Variants in ARHGEF9 observed in about 807,000 individuals in gnomAD.
The protein encoded by ARHGEF9 is rho guanine nucleotide exchange factor 9.
Under a neutral mutation model 41.3 loss-of-function variants are expected in ARHGEF9, and 2 were observed. That is an observed-to-expected ratio of 0.05 (90% CI 0.02 to 0.15). The LOEUF (loss-of-function observed/expected upper bound fraction) is 0.15. ARHGEF9 is among the 10% of genes least tolerant of loss of function. The probability of loss-of-function intolerance (pLI) is 1.00; values close to 1 mark genes in which losing one functional copy is unlikely to be tolerated. For synonymous variants in ARHGEF9, 160 were observed against 154.4 expected (o/e 1.04, Z -0.27); for missense variants, 225 against 424.7 (o/e 0.53, Z 4.13).
At chrX:63,741,064 T>C (rs1400911239) in intron 1 of ARHGEF9, among the ~76,000 whole-genome samples, 1 of 112,772 alleles carries the variant, frequency 8.9e-6, no homozygotes, top group Non-Finnish European at 1.9e-5. Flanking sequence ...TAGTCCAGAC[T>C]GTTATTTCAT....
chrX:63,727,573 T>G (rs1478910090), intron 1 of ARHGEF9: 1 of 111,920 alleles, frequency 8.9e-6, no homozygotes, highest in African/African-American at 3.3e-5. Context: ...TTGCCTACAG[T>G]CATCAAATGG....
intron 1 of ARHGEF9, among the ~76,000 whole-genome samples, chrX:63,741,884 C>T (rs1443804747): frequency 8.9e-6 from 1 of 112,486 alleles, no homozygotes; most frequent in Non-Finnish European, 1.9e-5. Context: ...CCATGTGTGT[C>T]CCAAATACAT....
chrX:63,767,692 G>T (rs1202321542), intron 1 of ARHGEF9, among the ~76,000 whole-genome samples: 2 of 112,252 alleles, frequency 1.8e-5, no homozygotes, highest in Non-Finnish European at 3.8e-5. Context: ...CAAAATAAAC[G>T]CTGGCTTGGG....
intron 2 of ARHGEF9, among the ~76,000 whole-genome samples, chrX:63,715,035 G>A (rs2053203905): frequency 9.0e-6 from 1 of 111,343 alleles, no homozygotes; most frequent in South Asian, 3.8e-4. Flanking sequence ...CTAGAATGGG[G>A]GTGGATTGGA....
intron 1 of ARHGEF9, among the ~76,000 whole-genome samples, chrX:63,761,810 G>A (rs782403431): frequency 3.6e-5 from 4 of 111,480 alleles, no homozygotes; most frequent in Non-Finnish European, 3.8e-5. Context: ...GTTTCCTTCT[G>A]TTCCTTCACA....
At chrX:63,755,061 C>G in intron 1 of ARHGEF9, 4 of 939,115 alleles carry the variant, frequency 4.3e-6, no homozygotes, top group Non-Finnish European at 5.3e-6. Flanking sequence ...TCGCTGGGCT[C>G]CCGGCTGCCA....
At chrX:63,682,252 C>A (rs1240169110) in intron 4 of ARHGEF9, among the ~76,000 whole-genome samples, 1 of 111,573 alleles carries the variant, frequency 9.0e-6, no homozygotes, top group Non-Finnish European at 1.9e-5. Flanking sequence ...CTGTGGCTCA[C>A]GCCTATAATC....
chrX:63,682,000 A>G (rs1176105130), intron 4 of ARHGEF9, among the ~76,000 whole-genome samples: 1 of 110,561 alleles, frequency 9.0e-6, no homozygotes, highest in Admixed American at 9.6e-5. Context: ...GAGCCTGAAC[A>G]TTAACAAATA....
chrX:63,676,829 T>C (rs2050287975), intron 5 of ARHGEF9, among the ~76,000 whole-genome samples: 1 of 112,606 alleles, frequency 8.9e-6, no homozygotes, highest in South Asian at 3.7e-4. Flanking sequence ...TAAAATTTAG[T>C]TCCTCAGTTG....
intron 7 of ARHGEF9, among the ~76,000 whole-genome samples, chrX:63,661,322 T>C (rs1178702265): frequency 9.0e-6 from 1 of 111,214 alleles, no homozygotes; most frequent in South Asian, 3.8e-4. Flanking sequence ...TTGAATATGG[T>C]GAAAGCAACA....
chrX:63,724,832 G>A lies in ARHGEF9; in HGVS notation c.31-121C>T. The A allele has an allele frequency of 4.3e-6, 3 of 704,818 alleles. No individual in the cohort carries two copies. The South Asian group carries it at 7.3e-5, about 17-fold the overall frequency. The allele number at this position is 704,818 out of a possible 1,213,427, so 58.1% of individuals were successfully genotyped here. ...TATACTCAAGTGGTGAGAGATAGGG[G>A]TGAGGGGGATGGCACTGGAACAAAA... is the stretch of plus-strand genomic sequence containing the variant. On this transcript the variant is annotated intron_variant, in intron 1 of 9. Coordinates refer to ENST00000671741, the MANE Select transcript of ARHGEF9 (RefSeq NM_001353921.2).
intron 8 of ARHGEF9, among the ~76,000 whole-genome samples, chrX:63,646,860 G>C (rs2048125454): frequency 8.9e-6 from 1 of 111,811 alleles, no homozygotes; most frequent in South Asian, 3.8e-4. Flanking sequence ...TCCTACCCAT[G>C]AGCATGGAAT....
chrX:63,779,697 A>T, intron 1 of ARHGEF9, among the ~76,000 whole-genome samples: 1 of 111,868 alleles, frequency 8.9e-6, no homozygotes, highest in Non-Finnish European at 1.9e-5. Context: ...AACCTTCACA[A>T]GATTGATAGC....
intron 2 of ARHGEF9, among the ~76,000 whole-genome samples, chrX:63,714,980 G>T (rs1480282730): frequency 3.6e-5 from 4 of 111,912 alleles, no homozygotes; most frequent in Non-Finnish European, 7.5e-5. Flanking sequence ...TGGAGGTATT[G>T]ATGATTTCTG....
chrX:63,673,695 T>C (rs1481637598), intron 6 of ARHGEF9, among the ~76,000 whole-genome samples: 40 of 111,026 alleles, frequency 3.6e-4, no homozygotes, highest in Non-Finnish European at 7.2e-4. Flanking sequence ...TGGAAGTAAA[T>C]TAGTATATAC....
intron 2 of ARHGEF9, chrX:63,712,954 C>T (rs2053040049): frequency 9.0e-6 from 1 of 111,457 alleles, no homozygotes; most frequent in Non-Finnish European, 1.9e-5. Context: ...TTGGTACAAC[C>T]TCTTCAACAT....
chrX:63,762,155 A>C (rs1556449943), intron 1 of ARHGEF9, among the ~76,000 whole-genome samples: 5 of 111,480 alleles, frequency 4.5e-5, no homozygotes, highest in Non-Finnish European at 9.4e-5. Context: ...CAGTCAGCTA[A>C]GCCCCTCTGA....
chrX:63,689,319 T>C (rs1265594514), intron 4 of ARHGEF9, among the ~76,000 whole-genome samples: 5 of 111,469 alleles, frequency 4.5e-5, no homozygotes, highest in Non-Finnish European at 9.4e-5. Context: ...TGCGTACAAA[T>C]AGAAACCACA....
intron 2 of ARHGEF9, among the ~76,000 whole-genome samples, chrX:63,723,192 C>A (rs1556414793): frequency 9.0e-6 from 1 of 111,412 alleles, no homozygotes; most frequent in African/African-American, 3.3e-5. Context: ...CTGTCTAGCA[C>A]TGTGCTAGAC....
Sources: gnomAD v4.1 joint callset for allele counts (sites outside exome capture counted in the v4.1 genomes callset) on GRCh38, gnomAD v4.1.1 for gene constraint, MANE v1.5 for transcripts, NCBI Gene and HGNC (gene_info 2026-07-23, HGNC 2026-07-21) for gene names.